Variants in MAP4K3 observed in about 807,000 individuals in gnomAD.
The protein encoded by MAP4K3 is mitogen-activated protein kinase kinase kinase kinase 3, also known as MAPK/ERK kinase kinase kinase 3.
A neutral mutation model predicts 143.5 loss-of-function variants in MAP4K3; 94 were observed. That is an observed-to-expected ratio of 0.65 (90% confidence interval 0.55 to 0.78). MAP4K3 has a LOEUF of 0.78. Among genes scored for constraint, MAP4K3 ranks in the 30% least tolerant of loss-of-function variants. MAP4K3 has a pLI of 0.00. For missense variants in MAP4K3, 1,077 were observed against 1,068.1 expected (o/e 1.01, Z -0.12); for synonymous variants, 416 against 347.2 (o/e 1.20, Z -2.20).
In MAP4K3 at chr2:39,326,160, G is replaced by C. The variant is rs1683483682; in HGVS notation, c.648C>G (p.Asp216Glu). Residue 216 changes from aspartate (D) to glutamate (E), a missense_variant, in exon 9 of 34, where the codon GAC (aspartate) becomes GAG (glutamate). This residue lies in a region of MAP4K3 where 864 missense variants were observed against 801.2 expected (regional missense o/e 1.08). Transcript: ENST00000263881. ...GATGCACTGACCTCATTGGGTGTAA[G>C]TCAAACATAGGAGGCTGAAGCTCTG... ...ELAELQPPMF[D>E]LHPMRALFLM... The C allele has an allele frequency of 2.5e-6, 4 of 1,613,560 alleles. No homozygotes were observed. Among genetic ancestry groups the C allele is most frequent in the Non-Finnish European group, 3.4e-6 (4 of 1,179,798 alleles).
intron 15 of MAP4K3, among the ~76,000 whole-genome samples, chr2:39,301,638 T>C (rs1456628660): frequency 2.6e-5 from 4 of 152,142 alleles, no homozygotes; most frequent in Non-Finnish European, 5.9e-5. Flanking sequence ...GTCATAAAAA[T>C]ACTCAGCTCA....
intron 1 of MAP4K3, among the ~76,000 whole-genome samples, chr2:39,399,152 G>C (rs1444790957): frequency 1.3e-5 from 2 of 150,006 alleles, no homozygotes; most frequent in East Asian, 2.0e-4. Flanking sequence ...TAAAACTAAA[G>C]AACGTACTAT....
intron 1 of MAP4K3, among the ~76,000 whole-genome samples, chr2:39,389,975 G>C (rs1374780730): frequency 6.6e-6 from 1 of 152,154 alleles, no homozygotes; most frequent in African/African-American, 2.4e-5. Context: ...AAATTGCTCT[G>C]AAGACTTTAT....
intron 21 of MAP4K3, among the ~76,000 whole-genome samples, chr2:39,284,702 G>C (rs1182532827): frequency 1.3e-5 from 2 of 151,452 alleles, no homozygotes; most frequent in Non-Finnish European, 2.9e-5. Flanking sequence ...AAAGTAGCCA[G>C]GCGTGGTGGC....
chr2:39,341,981 C>A (rs1236258951), intron 4 of MAP4K3, among the ~76,000 whole-genome samples: 1 of 151,970 alleles, frequency 6.6e-6, no homozygotes, highest in African/African-American at 2.4e-5. Flanking sequence ...TACTCTTTCA[C>A]CTGGTCTTCA....
chr2:39,343,112 T>C (rs1192760804), intron 4 of MAP4K3, among the ~76,000 whole-genome samples: 2 of 152,206 alleles, frequency 1.3e-5, no homozygotes, highest in Non-Finnish European at 2.9e-5. Flanking sequence ...AGCAAAGCCC[T>C]TGAATTTTTA....
intron 2 of MAP4K3, among the ~76,000 whole-genome samples, chr2:39,359,324 A>C (rs1409918344): frequency 6.6e-6 from 1 of 152,194 alleles, no homozygotes; most frequent in African/African-American, 2.4e-5. Context: ...TCCATGTCTC[A>C]CATCCAGGTC....
chr2:39,325,672 A>G (rs1342532307), intron 11 of MAP4K3, 44 bp from the exon 12 acceptor site: 1 of 1,559,698 alleles, frequency 6.4e-7, no homozygotes, highest in Non-Finnish European at 8.8e-7. Flanking sequence ...TATAAATCTG[A>G]TTGAATAACA....
At chr2:39,309,116 A>T (rs1055720292) in intron 14 of MAP4K3, among the ~76,000 whole-genome samples, 3 of 126,162 alleles carry the variant, frequency 2.4e-5, no homozygotes, top group Admixed American at 8.1e-5. Context: ...CCACGATTTT[A>T]AAAAAAATTT....
intron 16 of MAP4K3, among the ~76,000 whole-genome samples, chr2:39,293,470 C>T (rs1224223517): frequency 6.6e-6 from 1 of 151,964 alleles, no homozygotes; most frequent in Non-Finnish European, 1.5e-5. Context: ...TTCCTGTTGC[C>T]AATGTCTTTA....
intron 14 of MAP4K3, among the ~76,000 whole-genome samples, chr2:39,308,417 C>G (rs1403411353): frequency 6.6e-6 from 1 of 152,122 alleles, no homozygotes; most frequent in East Asian, 1.9e-4. Context: ...CACTGGTACA[C>G]TGAATTAGAG....
chr2:39,319,526 T>C (rs1683234428), intron 12 of MAP4K3, among the ~76,000 whole-genome samples: 1 of 152,082 alleles, frequency 6.6e-6, no homozygotes, highest in East Asian at 1.9e-4. Context: ...CTGGAACCAA[T>C]CCCCCTTGTG....
chr2:39,349,601 G>A (rs1166754615), intron 3 of MAP4K3, among the ~76,000 whole-genome samples: 2 of 152,104 alleles, frequency 1.3e-5, no homozygotes, highest in Non-Finnish European at 2.9e-5. Context: ...GAGAAATCCT[G>A]TAGTGAGAAG....
chr2:39,309,381 T>C (rs771073587), intron 14 of MAP4K3, 80 bp downstream of exon 14: 11 of 987,830 alleles, frequency 1.1e-5, no homozygotes, highest in African/African-American at 5.1e-5. Context: ...CTAGCTTTTT[T>C]GGTCAGTACT....
At chr2:39,266,907 T>TAAAAA in intron 27 of MAP4K3, among the ~76,000 whole-genome samples, 1 of 147,318 alleles carries the variant, frequency 6.8e-6, no homozygotes, top group Non-Finnish European at 1.5e-5. Context: ...TAAAATGTGG[T>TAAAAA]AAAAAAAAAA....
chr2:39,365,893 C>T (rs907388380), intron 2 of MAP4K3, among the ~76,000 whole-genome samples: 12 of 152,192 alleles, frequency 7.9e-5, no homozygotes, highest in Admixed American at 5.2e-4. Context: ...GAAGTGAGAA[C>T]ACACATCTAC....
intron 1 of MAP4K3, among the ~76,000 whole-genome samples, chr2:39,384,939 C>T (rs920443039): frequency 2.0e-5 from 3 of 152,180 alleles, no homozygotes; most frequent in African/African-American, 7.2e-5. Flanking sequence ...GAAACACTAA[C>T]GTGTTCTCTA....
intron 1 of MAP4K3, among the ~76,000 whole-genome samples, chr2:39,385,179 A>G (rs1666462402): frequency 6.6e-6 from 1 of 152,168 alleles, no homozygotes; most frequent in Non-Finnish European, 1.5e-5. Flanking sequence ...AAACATTTGT[A>G]TACAGGGTAG....
chr2:39,278,315 G>GC, intron 24 of MAP4K3, 92 bp downstream of exon 24: 2 of 663,976 alleles, frequency 3.0e-6, no homozygotes, highest in South Asian at 5.0e-5. Flanking sequence ...AAAAGAGGCA[G>GC]CAAGTCATGA....
Sources: allele counts gnomAD v4.1 joint callset (sites outside exome capture counted in the v4.1 genomes callset), GRCh38; gene constraint gnomAD v4.1.1; regional missense constraint gnomAD v4.1.1; transcripts MANE v1.5; gene names NCBI Gene and HGNC (gene_info 2026-07-23, HGNC 2026-07-21).